A1CF: variants seen among roughly 807,000 people sequenced by gnomAD.
A1CF encodes APOBEC-1 stimulating protein.
Under a neutral mutation model 68.9 loss-of-function variants are expected in A1CF, and 48 were observed. The ratio of observed to expected loss-of-function variants is 0.70; its 90% confidence interval spans 0.55 to 0.89. A1CF has a LOEUF of 0.89. A1CF is among the 40% of genes least tolerant of loss of function. The pLI is 0.00. For synonymous variants in A1CF, 272 were observed against 260.4 expected, an observed-to-expected ratio of 1.04 and a Z score of -0.43; for missense variants, 653 against 718.9, an observed-to-expected ratio of 0.91 and a Z score of 1.05.
intron 1 of A1CF, among the ~76,000 whole-genome samples, chr10:50,868,171 G>T (rs1055549591): frequency 6.6e-6 from 1 of 152,132 alleles, no homozygotes; most frequent in Non-Finnish European, 1.5e-5. Context: ...TAACATGCAA[G>T]TTGTACAAGT....
rs1274976413 is a variant in A1CF, at chr10:50,806,719, A to G, written c.*10T>C. ...TTGTGTGTCTTATTCTTAAATTTAAAAAAGCATCTTCAGAAGGTGCCATAT... is the reference window on the plus strand; with the variant it reads ...TTGTGTGTCTTATTCTTAAATTTAAGAAAGCATCTTCAGAAGGTGCCATAT... On this transcript the variant is annotated 3_prime_UTR_variant, in exon 13 of 13. Transcript: ENST00000373997. 1.9e-6 allele frequency: 3 copies of G among 1,572,624 alleles called. No individual in the cohort carries two copies. In the South Asian group the frequency reaches 3.6e-5, roughly 19 times the overall value.
chr10:50,880,445 TATC>T (rs1209416811), intron 1 of A1CF, among the ~76,000 whole-genome samples: 1 of 152,226 alleles, frequency 6.6e-6, no homozygotes, highest in East Asian at 1.9e-4. Flanking sequence ...ACATCATTGT[TATC>T]ATCATCGTAG....
chr10:50,818,948 A>G (rs1393756577), intron 8 of A1CF, among the ~76,000 whole-genome samples: 1 of 152,024 alleles, frequency 6.6e-6, no homozygotes, highest in Non-Finnish European at 1.5e-5. Context: ...GCTGTTCTAC[A>G]TGGGGTCCTC....
intron 1 of A1CF, among the ~76,000 whole-genome samples, chr10:50,881,071 C>A (rs930343713): frequency 5.9e-5 from 9 of 151,920 alleles, no homozygotes; most frequent in Non-Finnish European, 8.8e-5. Context: ...CTCACTGCAA[C>A]CTTCGCCTCC....
chr10:50,866,845 A>G (rs910193731), intron 1 of A1CF, among the ~76,000 whole-genome samples: 1 of 152,166 alleles, frequency 6.6e-6, no homozygotes, highest in African/African-American at 2.4e-5. Context: ...AGCTAGGGAA[A>G]CAGACAAAGA....
intron 6 of A1CF, among the ~76,000 whole-genome samples, chr10:50,834,916 G>A (rs956338163): frequency 7.9e-5 from 12 of 152,112 alleles, no homozygotes; most frequent in African/African-American, 2.2e-4. Context: ...TACAGTTGTC[G>A]ATGTTGAAGA....
intron 7 of A1CF, among the ~76,000 whole-genome samples, chr10:50,822,279 T>TA (rs1172096341): frequency 3.9e-5 from 6 of 152,154 alleles, no homozygotes; most frequent in Admixed American, 3.9e-4. Context: ...AGAGTGAAGG[T>TA]AAGGTGGAAA....
chr10:50,863,182 T>C (rs1840823877), intron 2 of A1CF, among the ~76,000 whole-genome samples: 1 of 152,164 alleles, frequency 6.6e-6, no homozygotes, highest in South Asian at 2.1e-4. Flanking sequence ...AAATTCAAAA[T>C]TTGTCATGAG....
At chr10:50,832,260 T>C (rs1839281664) in intron 6 of A1CF, among the ~76,000 whole-genome samples, 1 of 151,966 alleles carries the variant, frequency 6.6e-6, no homozygotes, top group African/African-American at 2.4e-5. Flanking sequence ...ACAGTGGGAG[T>C]GTTAATACCA....
At chr10:50,877,755 CCA>C (rs1159113668) in intron 1 of A1CF, among the ~76,000 whole-genome samples, 2 of 152,072 alleles carry the variant, frequency 1.3e-5, no homozygotes, top group Non-Finnish European at 2.9e-5. Context: ...TGATAATTAC[CCA>C]GTTTCCTTCA....
At chr10:50,871,385 C>T (rs536335316) in intron 1 of A1CF, among the ~76,000 whole-genome samples, 2 of 151,722 alleles carry the variant, frequency 1.3e-5, no homozygotes, top group Non-Finnish European at 3.0e-5. Flanking sequence ...ATCTAAAGGC[C>T]TTAGTAAATG....
At chr10:50,814,214 A>G (rs1265128407) in intron 9 of A1CF, 176 bp from the exon 10 acceptor site, 1 of 664,764 alleles carries the variant, frequency 1.5e-6, no homozygotes, top group Non-Finnish European at 2.5e-6. Flanking sequence ...AACTCAACAT[A>G]AGGTAAGGTT....
At chr10:50,861,015 A>T (rs1840720178) in intron 2 of A1CF, among the ~76,000 whole-genome samples, 1 of 152,144 alleles carries the variant, frequency 6.6e-6, no homozygotes, top group South Asian at 2.1e-4. Flanking sequence ...ATGCAACTAG[A>T]ATGTATTTGA....
rs150770378 is a variant in A1CF, at chr10:50,856,732, G to A, written c.99+3110C>T. ...TAGCTATCACACAGTGTATAGTAAG[G>A]ACTAGATGAGTTAATATACACAAAG... On this transcript the variant is annotated intron_variant, in intron 3 of 12. Transcript: ENST00000373997. 5.7e-3 allele frequency among the ~76,000 whole-genome samples: 873 copies of A among 152,066 alleles called. 2 individuals are homozygous for A. The highest frequency in any genetic ancestry group is 9.0e-3 in the Non-Finnish European group (613 of 67,932).
At chr10:50,877,528 TACAGTGGC>T (rs1276981360) in intron 1 of A1CF, among the ~76,000 whole-genome samples, 1 of 152,204 alleles carries the variant, frequency 6.6e-6, no homozygotes, top group African/African-American at 2.4e-5. Context: ...AGCTCTGTGT[TACAGTGGC>T]ACAGAAGCAA....
At chr10:50,830,028 C>G (rs1839164497) in intron 6 of A1CF, among the ~76,000 whole-genome samples, 1 of 152,128 alleles carries the variant, frequency 6.6e-6, no homozygotes. Flanking sequence ...TGCATCACCT[C>G]AATACTTTTT....
chr10:50,856,921 A>G (rs1840504302), intron 3 of A1CF, among the ~76,000 whole-genome samples: 1 of 152,152 alleles, frequency 6.6e-6, no homozygotes, highest in African/African-American at 2.4e-5. Flanking sequence ...TCAATTATAC[A>G]TATCATTATT....
chr10:50,812,114 C>T lies in A1CF; in HGVS notation c.1324-938G>A, dbSNP rs1241752180. Among the ~76,000 whole-genome samples the T allele has an allele frequency of 3.3e-5, 5 of 152,202 alleles. No individual in the cohort carries two copies. In the East Asian group the frequency reaches 9.7e-4, roughly 29 times the overall value. On this transcript the variant is annotated intron_variant, in intron 10 of 12. Transcript: ENST00000373997. ...TTCTATTGATATTTTCTTTTTAATACTCTTGTTGTGTAGGATCTCTTGTAA... is the reference window on the plus strand; with the variant it reads ...TTCTATTGATATTTTCTTTTTAATATTCTTGTTGTGTAGGATCTCTTGTAA...
Position 50,844,045 on chromosome 10 carries a change from A to G in A1CF, c.177T>C (p.Phe59=), listed in dbSNP as rs1839892336. The change falls in exon 4 of 13, where the codon TTT becomes TTC. Residue 59 remains phenylalanine (F), a synonymous_variant. Transcript: ENST00000373997. ...AAPPERGCEI[F]IGKLPRDLFE... ...AAAGGTCTCGGGGAAGTTTTCCAATAAAAATTTCACAGCCCCTTTCAGGGG... is the reference window on the plus strand; with the variant it reads ...AAAGGTCTCGGGGAAGTTTTCCAATGAAAATTTCACAGCCCCTTTCAGGGG... 3 of 1,613,950 alleles carry G rather than the reference A, an allele frequency of 1.9e-6. No individual in the cohort carries two copies. The highest frequency in any genetic ancestry group is 2.5e-6 in the Non-Finnish European group (3 of 1,179,898).
Sources: gnomAD v4.1 joint callset for allele counts (sites outside exome capture counted in the v4.1 genomes callset) on GRCh38, gnomAD v4.1.1 for gene constraint, MANE v1.5 for transcripts, NCBI Gene and HGNC (gene_info 2026-07-23, HGNC 2026-07-21) for gene names.